Variants in STON2 observed in about 807,000 individuals in gnomAD.
STON2 encodes stonin 2, also known as stonin-2.
In STON2, 29 loss-of-function variants were observed where a neutral mutation model predicts 65.7. The observed-to-expected ratio is 0.44, with a 90% CI of 0.33 to 0.60. The LOEUF is 0.60. Ranked by LOEUF, STON2 falls within the 20% of genes least tolerant of loss-of-function variation. The pLI is 0.03. For synonymous variants in STON2, 404 were observed against 414.2 expected, an observed-to-expected ratio of 0.98 and a Z score of 0.30; for missense variants, 1,054 against 1,118.1, an observed-to-expected ratio of 0.94 and a Z score of 0.82.
intron 4 of STON2, among the ~76,000 whole-genome samples, chr14:81,362,765 T>G (rs890712384): frequency 6.6e-6 from 1 of 152,204 alleles, no homozygotes; most frequent in African/African-American, 2.4e-5. Flanking sequence ...ATAATTTGTC[T>G]ACTTATAATT....
chr14:81,297,505 GTTTCCTC>G (rs1895806807), intron 5 of STON2, among the ~76,000 whole-genome samples: 1 of 152,152 alleles, frequency 6.6e-6, no homozygotes. Context: ...TTCTGAGTCT[GTTTCCTC>G]ACTTTTAAGG....
chr14:81,319,162 T>C (rs184759199), intron 5 of STON2, among the ~76,000 whole-genome samples: 55 of 152,328 alleles, frequency 3.6e-4, no homozygotes, highest in South Asian at 1.5e-3. Flanking sequence ...GAAATGCACA[T>C]TGTTGTATAA....
intron 6 of STON2, among the ~76,000 whole-genome samples, chr14:81,274,377 A>G (rs956829448): frequency 6.6e-6 from 1 of 152,222 alleles, no homozygotes; most frequent in Non-Finnish European, 1.5e-5. Flanking sequence ...CTGGAAACAG[A>G]TATGTAAAAC....
At chr14:81,402,284 G>A (rs1241640851), upstream of STON2, among the ~76,000 whole-genome samples, 3 of 152,118 alleles carry the variant, frequency 2.0e-5, no homozygotes, top group Admixed American at 6.5e-5. Context: ...AAGTTGGGGG[G>A]CACAGTCATC....
At chr14:81,375,622 A>C (rs1444241018) in intron 3 of STON2, among the ~76,000 whole-genome samples, 2 of 152,080 alleles carry the variant, frequency 1.3e-5, no homozygotes, top group Admixed American at 1.3e-4. Context: ...TCAGTTATTG[A>C]TATATCAAGC....
chr14:81,405,549 T>C (rs1900817733), intron 2 of STON2, among the ~76,000 whole-genome samples: 1 of 138,190 alleles, frequency 7.2e-6, no homozygotes, highest in Non-Finnish European at 1.5e-5. Context: ...GCATACCTAA[T>C]AATTGTTGGT....
Position 81,262,974 on chromosome 14 carries a change from T to C in STON2, c.*5440A>G, listed in dbSNP as rs1252594450. Reference sequence around the variant, plus strand: ...TGGGGAATTAGCACTTAGACCTTGGTAATGTTTAGAAATCATCTTTAGAAA... The same window carrying C: ...TGGGGAATTAGCACTTAGACCTTGGCAATGTTTAGAAATCATCTTTAGAAA... On this transcript the variant is annotated 3_prime_UTR_variant, in exon 8 of 8. Coordinates refer to ENST00000614646, the MANE Select transcript of STON2 (RefSeq NM_001394390.1). 1 of 985,300 alleles carries C rather than the reference T, an allele frequency of 1.0e-6. No individual in the cohort carries two copies. The highest frequency in any genetic ancestry group is 1.7e-5 in the African/African-American group (1 of 57,252). 61.0% of individuals were successfully genotyped at this position (985,300 alleles called of 1,614,324 possible).
chr14:81,427,152 T>A (rs1168280510), exon 2 of STON2: 1 of 152,224 alleles, frequency 6.6e-6, no homozygotes, highest in Non-Finnish European at 1.5e-5. Context: ...AGTCTGTACT[T>A]GTAACCACTT....
intron 4 of STON2, among the ~76,000 whole-genome samples, chr14:81,360,308 C>A (rs112622167): frequency 0.014 from 2,066 of 152,168 alleles, 12 homozygotes; most frequent in Middle Eastern, 0.031. Flanking sequence ...AATTTAATAG[C>A]ACATTAAAAT....
At position 81,308,843 on chromosome 14, in the gene STON2, TATATATATAC is replaced by T. The variant is rs1338900444; in HGVS notation, c.742+15164_742+15173del. ...ATATATATGTGTGTGTGTGTATATA[TATATATATAC>T]ACATACATACATACATACATACATA... On this transcript the variant is annotated intron_variant, in intron 5 of 7. Transcript: ENST00000614646. Among the ~76,000 whole-genome samples the T allele has an allele frequency of 1.6e-3, 17 of 10,390 alleles. 1 individual carries two copies. The highest frequency in any genetic ancestry group is 5.3e-3 in the African/African-American group (13 of 2,462). The allele number at this position is 10,390 out of a possible 152,430, so 6.8% of individuals were successfully genotyped here.
chr14:81,414,117 G>C (rs577528494), intron 2 of STON2, among the ~76,000 whole-genome samples: 10 of 139,480 alleles, frequency 7.2e-5, no homozygotes, highest in Middle Eastern at 3.5e-3. Context: ...AGGAATTCTG[G>C]TGGAGGACAT....
chr14:81,389,365 A>C (rs1899970062), intron 3 of STON2, among the ~76,000 whole-genome samples: 1 of 152,184 alleles, frequency 6.6e-6, no homozygotes, highest in Admixed American at 6.5e-5. Flanking sequence ...ACAGCACACC[A>C]AACACCTCTC....
At chr14:81,403,899 G>A (rs1477862244), upstream of STON2, among the ~76,000 whole-genome samples, 1 of 152,152 alleles carries the variant, frequency 6.6e-6, no homozygotes, top group South Asian at 2.1e-4. Context: ...TCTGAATGCT[G>A]ATACTATCTT....
rs118184245 is a variant in STON2, at chr14:81,263,606, A to G, written c.*4808T>C. The G allele has an allele frequency of 8.3e-4, 272 of 328,838 alleles. 9 individuals carry two copies. The East Asian group carries it at 0.039, about 47-fold the overall frequency. 20.4% of individuals were successfully genotyped at this position (328,838 alleles called of 1,614,324 possible). On this transcript the variant is annotated 3_prime_UTR_variant, in exon 8 of 8. Coordinates refer to ENST00000614646, the MANE Select transcript of STON2 (RefSeq NM_001394390.1). ...TTTGGCCATGTTTTTAAAGCTCATC[A>G]GCTGTTGTTACTGTATTTTATGTGT...
intron 2 of STON2, among the ~76,000 whole-genome samples, chr14:81,422,426 G>A (rs1163078997): frequency 2.6e-5 from 4 of 152,084 alleles, no homozygotes; most frequent in Middle Eastern, 3.2e-3. Context: ...TGTACAACCC[G>A]CAGAACTATG....
intron 4 of STON2, among the ~76,000 whole-genome samples, chr14:81,356,873 A>G (rs1898259450): frequency 6.6e-6 from 1 of 151,842 alleles, no homozygotes; most frequent in African/African-American, 2.4e-5. Flanking sequence ...ATCATTTTTT[A>G]TTGCATCTAT....
intron 3 of STON2, among the ~76,000 whole-genome samples, chr14:81,376,493 C>G (rs150325821): frequency 6.6e-6 from 1 of 151,986 alleles, no homozygotes; most frequent in African/African-American, 2.4e-5. Context: ...ACCTTCCCAC[C>G]AGAAAAATGT....
chr14:81,371,065 C>A lies in STON2; in HGVS notation c.494G>T (p.Gly165Val). 1 of 1,614,022 alleles carries A rather than the reference C, an allele frequency of 6.2e-7. No individual in the cohort carries two copies. Among genetic ancestry groups the A allele is most frequent in the Non-Finnish European group, 8.5e-7 (1 of 1,180,004 alleles). ...GAGCTGCAGATCTGTATACGAACAT[C>A]CAAAGCTAGGACTGCTGGTGTCTTC... ...HSEDTSSPSF[G>V]CSYTDLQLIN... The change falls in exon 4 of 8, where the codon GGA becomes GTA. Residue 165 changes from glycine to valine, a missense_variant. Transcript: ENST00000614646.
intron 4 of STON2, among the ~76,000 whole-genome samples, chr14:81,344,079 C>T (rs546816731): frequency 6.6e-6 from 1 of 152,254 alleles, no homozygotes; most frequent in South Asian, 2.1e-4. Context: ...ATTTGAAAGA[C>T]TAGCCCTCCC....
Sources: gnomAD v4.1 joint callset for allele counts (sites outside exome capture counted in the v4.1 genomes callset) on GRCh38, gnomAD v4.1.1 for gene constraint, MANE v1.5 for transcripts, NCBI Gene and HGNC (gene_info 2026-07-23, HGNC 2026-07-21) for gene names.